Variants in NTN4 observed in about 807,000 individuals in gnomAD.
NTN4 encodes netrin-4.
Under a neutral mutation model 73.6 loss-of-function variants are expected in NTN4, and 32 were observed. The observed-to-expected ratio is 0.44, with a 90% CI of 0.33 to 0.58. The LOEUF (loss-of-function observed/expected upper bound fraction) is 0.58. NTN4 is among the 20% of genes least tolerant of loss of function. NTN4 has a pLI of 0.04. For missense variants in NTN4, 654 were observed against 798.3 expected (o/e 0.82, Z 2.18); for synonymous variants, 258 against 287.5 (o/e 0.90, Z 1.04).
chr12:95,685,943 A>G (rs2078357637), intron 5 of NTN4, among the ~76,000 whole-genome samples: 1 of 152,064 alleles, frequency 6.6e-6, no homozygotes, highest in Non-Finnish European at 1.5e-5. Flanking sequence ...CTGAAGTGCA[A>G]TGGCACATCA....
chr12:95,706,908 C>T (rs867933767), intron 5 of NTN4, among the ~76,000 whole-genome samples: 1 of 152,092 alleles, frequency 6.6e-6, no homozygotes, highest in African/African-American at 2.4e-5. Context: ...ATTGCTGGGC[C>T]CCATCTGCAG....
intron 5 of NTN4, among the ~76,000 whole-genome samples, chr12:95,684,306 CT>C (rs1300406598): frequency 1.2e-4 from 17 of 146,796 alleles, no homozygotes; most frequent in Non-Finnish European, 1.2e-4. Context: ...AGGAGCTTTG[CT>C]TTTTTTTTTG....
chr12:95,731,834 C>T (rs913229045), intron 3 of NTN4, among the ~76,000 whole-genome samples: 1 of 152,062 alleles, frequency 6.6e-6, no homozygotes, highest in Non-Finnish European at 1.5e-5. Context: ...AATTGTGGCT[C>T]TACCCTTCGT....
chr12:95,758,490 T>C (rs909205660), intron 2 of NTN4, among the ~76,000 whole-genome samples: 2 of 152,222 alleles, frequency 1.3e-5, no homozygotes, highest in African/African-American at 4.8e-5. Flanking sequence ...TTGTAATGAT[T>C]TGCAAATATT....
chr12:95,790,162 T>A lies in NTN4; in HGVS notation c.55+93A>T. 8.7e-7 allele frequency: 1 copy of A among 1,150,740 alleles called. No homozygotes were observed. Among genetic ancestry groups the A allele is most frequent in the Non-Finnish European group, 1.2e-6 (1 of 824,186 alleles). The allele number at this position is 1,150,740 out of a possible 1,614,324, so 71.3% of individuals were successfully genotyped here. ...CACCCTCGGGAGCAGCGCTCTGCGC[T>A]CGCAGCCCTGGCTCCCCTGCACCCC... On this transcript the variant is annotated intron_variant, in intron 1 of 9. Coordinates refer to ENST00000343702, the MANE Select transcript of NTN4 (RefSeq NM_021229.4). The surrounding 1 kb of genome is among the most constrained non-coding windows in gnomAD (Gnocchi z 6.5).
At chr12:95,710,420 T>C (rs1363091976) in intron 5 of NTN4, 21 bp downstream of exon 5, 6 of 1,593,864 alleles carry the variant, frequency 3.8e-6, no homozygotes, top group African/African-American at 2.7e-5. Flanking sequence ...GCCTATTTTC[T>C]GGAAACCACA....
At chr12:95,783,849 A>G (rs2079148824) in intron 2 of NTN4, among the ~76,000 whole-genome samples, 1 of 152,146 alleles carries the variant, frequency 6.6e-6, no homozygotes, top group Admixed American at 6.5e-5. Flanking sequence ...TTCTGGGTGA[A>G]TTTTTGGGCC....
intron 3 of NTN4, among the ~76,000 whole-genome samples, chr12:95,724,170 T>C (rs1027478493): frequency 6.6e-6 from 1 of 152,220 alleles, no homozygotes; most frequent in African/African-American, 2.4e-5. Context: ...GCACTTTATC[T>C]TCCCTCTGGG....
chr12:95,777,935 A>G (rs2079105957), intron 2 of NTN4, among the ~76,000 whole-genome samples: 5 of 152,222 alleles, frequency 3.3e-5, no homozygotes, highest in Admixed American at 3.3e-4. Context: ...AGCAAATGTA[A>G]AAGAACAGAA....
chr12:95,731,738 C>T (rs138987230), intron 3 of NTN4, among the ~76,000 whole-genome samples: 24 of 152,132 alleles, frequency 1.6e-4, no homozygotes, highest in Admixed American at 9.2e-4. Flanking sequence ...GTTCTTGGCA[C>T]GATGTCAACC....
At chr12:95,764,085 T>C (rs1024411727) in intron 2 of NTN4, among the ~76,000 whole-genome samples, 3 of 152,286 alleles carry the variant, frequency 2.0e-5, no homozygotes, top group Non-Finnish European at 4.4e-5. Flanking sequence ...AAGAAAATAA[T>C]ATTTCTGGTT....
intron 3 of NTN4, among the ~76,000 whole-genome samples, chr12:95,715,643 G>T (rs2078599795): frequency 6.6e-6 from 1 of 152,126 alleles, no homozygotes; most frequent in Non-Finnish European, 1.5e-5. Flanking sequence ...TTTGAGAGCT[G>T]CAGGAATTCA....
At chr12:95,673,968 T>C (rs900776611) in intron 7 of NTN4, 1 of 152,016 alleles carries the variant, frequency 6.6e-6, no homozygotes, top group African/African-American at 2.4e-5. Context: ...CAGGAATGAG[T>C]ATAATAAAGG....
intron 9 of NTN4, among the ~76,000 whole-genome samples, chr12:95,659,820 T>C (rs2078122491): frequency 6.6e-6 from 1 of 152,216 alleles, no homozygotes; most frequent in Non-Finnish European, 1.5e-5. Context: ...GATATCTTTT[T>C]GTAAGTATAG....
At chr12:95,670,290 C>T (rs190716618) in intron 7 of NTN4, 144 bp from the exon 8 acceptor site, 263 of 448,284 alleles carry the variant, frequency 5.9e-4, no homozygotes, top group South Asian at 1.0e-3. Flanking sequence ...CAAGGAACCA[C>T]GAAAGTCATT....
chr12:95,729,636 T>A (rs56848520), intron 3 of NTN4, among the ~76,000 whole-genome samples: 25,299 of 109,456 alleles, frequency 0.23, 2,293 homozygotes, highest in South Asian at 0.26. Flanking sequence ...AGAGAGAGTG[T>A]GTGTGTGTGT....
chr12:95,742,784 C>T (rs1443360687), intron 2 of NTN4, among the ~76,000 whole-genome samples: 1 of 152,166 alleles, frequency 6.6e-6, no homozygotes, highest in African/African-American at 2.4e-5. Flanking sequence ...CAGCTGTGCT[C>T]CCCAGCATGT....
chr12:95,660,461 A>AT (rs1351892760), intron 9 of NTN4, among the ~76,000 whole-genome samples: 2 of 152,158 alleles, frequency 1.3e-5, no homozygotes, highest in Non-Finnish European at 2.9e-5. Flanking sequence ...TAAAAAAAAA[A>AT]CTAAATAAAT....
At chr12:95,671,404 TGAGA>T (rs1181284749) in intron 7 of NTN4, among the ~76,000 whole-genome samples, 1 of 152,132 alleles carries the variant, frequency 6.6e-6, no homozygotes, top group South Asian at 2.1e-4. Context: ...GTGAGCAGCT[TGAGA>T]GAGAGCTGAT....
Sources: allele counts gnomAD v4.1 joint callset (sites outside exome capture counted in the v4.1 genomes callset), GRCh38; gene constraint gnomAD v4.1.1; non-coding constraint Gnocchi (gnomAD v3.1); transcripts MANE v1.5; gene names NCBI Gene and HGNC (gene_info 2026-07-23, HGNC 2026-07-21).